Variants in BRAP observed in about 807,000 individuals in gnomAD.
BRAP encodes BRCA1 associated protein.
Under a neutral mutation model 73.4 loss-of-function variants are expected in BRAP, and 42 were observed. The ratio of observed to expected loss-of-function variants is 0.57; its 90% confidence interval spans 0.45 to 0.74. BRAP has a LOEUF of 0.74. BRAP is among the 30% of genes least tolerant of loss of function. BRAP has a pLI of 0.00. For synonymous variants in BRAP, 255 were observed against 267.4 expected (o/e 0.95, Z 0.45); for missense variants, 593 against 751.4 (o/e 0.79, Z 2.46).
In BRAP at chr12:111,650,445, T is replaced by C. The variant is rs1886274345; in HGVS notation, c.1312-403A>G. Among the ~76,000 whole-genome samples, 3 of 152,182 alleles carry C rather than the reference T, an allele frequency of 2.0e-5. No homozygotes were observed. In the South Asian group the frequency reaches 6.2e-4, roughly 31 times the overall value. ...CACGCCCGGCTAATTTTTGTATTTT[T>C]AGTAGAGACAGGGTTTCATCATGTT... On this transcript the variant is annotated intron_variant, in intron 10 of 11. Transcript: ENST00000419234.
chr12:111,645,287 TG>T (rs1305855075), intron 11 of BRAP, among the ~76,000 whole-genome samples: 1 of 152,146 alleles, frequency 6.6e-6, no homozygotes, highest in African/African-American at 2.4e-5. Context: ...CAGGCTGGTC[TG>T]GAACTCCTGA....
chr12:111,669,984 T>A (rs1887107311), intron 5 of BRAP: 2 of 653,788 alleles, frequency 3.1e-6, no homozygotes, highest in Non-Finnish European at 5.8e-6. Flanking sequence ...TCCCTTCCAA[T>A]ATTCTTCATC....
chr12:111,665,589 G>A lies in BRAP; in HGVS notation c.896+50C>T, dbSNP rs575294732. The A allele has an allele frequency of 1.3e-6, 2 of 1,594,976 alleles. No individual in the cohort carries two copies. The highest frequency in any genetic ancestry group is 1.1e-5 in the South Asian group (1 of 89,642). On this transcript the variant is annotated intron_variant, in intron 6 of 11. Coordinates refer to ENST00000419234, the MANE Select transcript of BRAP (RefSeq NM_006768.5). The surrounding 1 kb of genome is among the most constrained non-coding windows in gnomAD (Gnocchi z 4.3). ...CTGCTGGTGGCTCTTTTTAATTCTG[G>A]AAGGGTTGCAATGGGCTTGTACACA...
At chr12:111,673,510 G>GAAAAA (rs11350832) in intron 4 of BRAP, among the ~76,000 whole-genome samples, 3 of 118,158 alleles carry the variant, frequency 2.5e-5, no homozygotes, top group Non-Finnish European at 5.3e-5. Flanking sequence ...ATCTCAAAAA[G>GAAAAA]AAAAAAAAAA....
intron 4 of BRAP, among the ~76,000 whole-genome samples, chr12:111,678,443 G>C (rs1305891416): frequency 6.6e-6 from 1 of 151,362 alleles, no homozygotes; most frequent in South Asian, 2.1e-4. Flanking sequence ...TGGATCACAA[G>C]GTCAGGAGTT....
intron 6 of BRAP, among the ~76,000 whole-genome samples, chr12:111,662,099 A>C (rs1271330425): frequency 1.3e-5 from 2 of 152,106 alleles, no homozygotes; most frequent in Admixed American, 6.5e-5. Context: ...GCCAATAAAA[A>C]CAATGTTGAA....
intron 9 of BRAP, among the ~76,000 whole-genome samples, chr12:111,658,090 C>T (rs948018286): frequency 4.0e-5 from 6 of 151,650 alleles, no homozygotes; most frequent in Non-Finnish European, 5.9e-5. Flanking sequence ...AGACATGAAC[C>T]ACCACGCCCA....
At chr12:111,648,934 A>G (rs1886218734) in intron 11 of BRAP, among the ~76,000 whole-genome samples, 2 of 151,856 alleles carry the variant, frequency 1.3e-5, no homozygotes, top group Admixed American at 6.6e-5. Context: ...TCAAGAAAAA[A>G]AAGATGTAGT....
chr12:111,680,160 T>C (rs1887545327), intron 3 of BRAP, among the ~76,000 whole-genome samples: 1 of 151,488 alleles, frequency 6.6e-6, no homozygotes, highest in African/African-American at 2.4e-5. Context: ...TTTCACTATG[T>C]TGGCCAGGCT....
intron 4 of BRAP, among the ~76,000 whole-genome samples, chr12:111,677,477 A>C (rs1887427869): frequency 6.6e-6 from 1 of 152,212 alleles, no homozygotes; most frequent in South Asian, 2.1e-4. Context: ...AACCTTGGGC[A>C]AACCATGTAT....
At chr12:111,660,976 T>C (rs1364289683) in intron 6 of BRAP, among the ~76,000 whole-genome samples, 1 of 151,706 alleles carries the variant, frequency 6.6e-6, no homozygotes. Flanking sequence ...TGTCTGATTA[T>C]TTATAATTTT....
chr12:111,647,206 G>A (rs746058228), intron 11 of BRAP, among the ~76,000 whole-genome samples: 2 of 152,156 alleles, frequency 1.3e-5, no homozygotes, highest in African/African-American at 4.8e-5. Flanking sequence ...AGTAGCTGGA[G>A]GTTGCAGTGA....
chr12:111,657,339 C>T (rs113860507), intron 9 of BRAP, among the ~76,000 whole-genome samples: 12 of 152,256 alleles, frequency 7.9e-5, no homozygotes, highest in African/African-American at 2.6e-4. Context: ...CCACTGTGCC[C>T]GGCCAGTATT....
intron 3 of BRAP, among the ~76,000 whole-genome samples, chr12:111,681,207 A>T (rs1284038218): frequency 2.0e-5 from 3 of 152,000 alleles, no homozygotes; most frequent in African/African-American, 7.3e-5. Context: ...CATCTCTACT[A>T]AAAATACAAA....
chr12:111,680,232 G>C (rs1253020471), intron 3 of BRAP, among the ~76,000 whole-genome samples: 1 of 151,892 alleles, frequency 6.6e-6, no homozygotes, highest in Non-Finnish European at 1.5e-5. Flanking sequence ...GGGATTACAG[G>C]CGTGAGCCAC....
rs1887261753 is a variant in BRAP, at chr12:111,673,590, G to A, written c.634-816C>T. On this transcript the variant is annotated intron_variant, in intron 4 of 11. Transcript: ENST00000419234. Reference sequence around the variant, plus strand: ...AAGACCAGGGGAACTGGTATGAGATGAAAAACCAACTACTCTTTAATAAAC... The same window carrying A: ...AAGACCAGGGGAACTGGTATGAGATAAAAAACCAACTACTCTTTAATAAAC... Among the ~76,000 whole-genome samples, 10 of 150,686 alleles carry A rather than the reference G, an allele frequency of 6.6e-5. No homozygotes were observed. The South Asian group carries it at 1.9e-3, about 28-fold the overall frequency.
chr12:111,669,754 A>C, intron 5 of BRAP: 1 of 318,012 alleles, frequency 3.1e-6, no homozygotes, highest in Non-Finnish European at 6.0e-6. Flanking sequence ...GAGAAAAAAA[A>C]AGTGGCTCCA....
At chr12:111,658,932 A>G (rs1464776604) in intron 8 of BRAP, 87 bp from the exon 9 acceptor site, 1 of 1,043,054 alleles carries the variant, frequency 9.6e-7, no homozygotes, top group African/African-American at 1.6e-5. Flanking sequence ...TTTTTTTCAG[A>G]TCTAATTTAA....
Position 111,665,541 on chromosome 12 carries a change from C to G in BRAP, c.896+98G>C. The G allele has an allele frequency of 1.3e-6, 2 of 1,499,930 alleles. No individual in the cohort carries two copies. The highest frequency in any genetic ancestry group is 1.8e-6 in the Non-Finnish European group (2 of 1,105,664). The allele number at this position is 1,499,930 out of a possible 1,614,324, so 92.9% of individuals were successfully genotyped here. ...AGAAAAAGGACCTCTTGAATAAAGT[C>G]AAATACTTGGAATGGTTCATTTCTG... On this transcript the variant is annotated intron_variant, in intron 6 of 11. Coordinates refer to ENST00000419234, the MANE Select transcript of BRAP (RefSeq NM_006768.5). The surrounding 1 kb of genome is among the most constrained non-coding windows in gnomAD (Gnocchi z 4.3).
Sources: allele counts gnomAD v4.1 joint callset (sites outside exome capture counted in the v4.1 genomes callset), GRCh38; gene constraint gnomAD v4.1.1; non-coding constraint Gnocchi (gnomAD v3.1); transcripts MANE v1.5; gene names NCBI Gene and HGNC (gene_info 2026-07-23, HGNC 2026-07-21).